The following CLTCL1 variants were observed in gnomAD, a reference collection of about 807,000 sequenced individuals.
The protein encoded by CLTCL1 is clathrin heavy chain 2.
In CLTCL1, 159 loss-of-function variants were observed where a neutral mutation model predicts 190.0. The observed-to-expected ratio is 0.84, with a 90% confidence interval of 0.74 to 0.95. CLTCL1 has a LOEUF of 0.95. Ranked by LOEUF, CLTCL1 falls within the 40% of genes least tolerant of loss-of-function variation. The pLI, the probability that CLTCL1 is intolerant of heterozygous loss-of-function variation, is 0.00. For synonymous variants in CLTCL1, 752 were observed against 769.6 expected (o/e 0.98, Z 0.38); for missense variants, 1,878 against 2,033.4 (o/e 0.92, Z 1.47).
chr22:19,282,260 C>G (rs898500916), intron 1 of CLTCL1, among the ~76,000 whole-genome samples: 1 of 150,898 alleles, frequency 6.6e-6, no homozygotes. Context: ...ACCCAGGAGG[C>G]GGAGGCTGCA....
intron 1 of CLTCL1, among the ~76,000 whole-genome samples, chr22:19,280,125 T>C (rs782406934): frequency 2.6e-5 from 4 of 152,198 alleles, no homozygotes; most frequent in Non-Finnish European, 4.4e-5. Context: ...GAAAGGACTA[T>C]GAAATTAAAA....
chr22:19,242,682 C>T, intron 4 of CLTCL1, 93 bp downstream of exon 4: 2 of 1,344,464 alleles, frequency 1.5e-6, no homozygotes, highest in South Asian at 2.5e-5. Flanking sequence ...CTCACACAGA[C>T]ATCTGCAGGC....
At position 19,179,951 on chromosome 22, in the gene CLTCL1, G is replaced by GCTGGGCCCACGGCAGGGC; in HGVS notation, c.*21_*38dup. 2 of 551,008 alleles carry GCTGGGCCCACGGCAGGGC rather than the reference G, an allele frequency of 3.6e-6. No homozygotes were observed. Among genetic ancestry groups the GCTGGGCCCACGGCAGGGC allele is most frequent in the Non-Finnish European group, 3.2e-6 (1 of 308,126 alleles). The allele number at this position is 551,008 out of a possible 1,614,324, so 34.1% of individuals were successfully genotyped here. On this transcript the variant is annotated 3_prime_UTR_variant, in exon 33 of 33. Coordinates refer to ENST00000427926, the MANE Select transcript of CLTCL1 (RefSeq NM_007098.4). ...ATATCCATAGGGGAAGCTGGCAGGGGCTGGGCCCACGGCAGGGCCTGCAGA... is the reference window on the plus strand; with the variant it reads ...ATATCCATAGGGGAAGCTGGCAGGGGCTGGGCCCACGGCAGGGCCTGGGCCCACGGCAGGGCCTGCAGA...
intron 2 of CLTCL1, among the ~76,000 whole-genome samples, chr22:19,259,853 A>T (rs1277612789): frequency 6.6e-6 from 1 of 152,240 alleles, no homozygotes; most frequent in Non-Finnish European, 1.5e-5. Context: ...AGGCTTTGTG[A>T]GGAAGGCATG....
chr22:19,286,481 C>T (rs752920277), intron 1 of CLTCL1, among the ~76,000 whole-genome samples: 32 of 152,218 alleles, frequency 2.1e-4, no homozygotes, highest in Non-Finnish European at 7.3e-5. Context: ...GAGCCAACTG[C>T]TGTCTTAGTA....
intron 2 of CLTCL1, among the ~76,000 whole-genome samples, chr22:19,267,313 A>T (rs1435701072): frequency 1.3e-5 from 2 of 152,248 alleles, no homozygotes; most frequent in South Asian, 2.1e-4. Context: ...TCACTGAAAG[A>T]AATTAAAGAT....
intron 28 of CLTCL1, 35 bp from the exon 29 acceptor site, chr22:19,187,763 C>T (rs781811148): frequency 8.7e-6 from 14 of 1,600,896 alleles, no homozygotes; most frequent in Non-Finnish European, 1.2e-5. Context: ...GGATGGGACA[C>T]TGACATGGGC....
chr22:19,248,646 T>C (rs1326071886), intron 3 of CLTCL1, among the ~76,000 whole-genome samples: 1 of 152,252 alleles, frequency 6.6e-6, no homozygotes, highest in African/African-American at 2.4e-5. Context: ...TTCAAATAAA[T>C]GGAATCATAT....
In CLTCL1 at chr22:19,234,816, T is replaced by C. The variant is rs539402725; in HGVS notation, c.970-110A>G. On this transcript the variant is annotated intron_variant, in intron 6 of 32. Transcript: ENST00000427926. ...TGGTAGCCACATTCTCAGGCGAGTGTTGAGCACACCTGTGATGGTGGCCCT... is the reference window on the plus strand; with the variant it reads ...TGGTAGCCACATTCTCAGGCGAGTGCTGAGCACACCTGTGATGGTGGCCCT... The C allele has an allele frequency of 1.1e-4, 112 of 986,314 alleles. 1 individual carries two copies. In the African/African-American group the frequency reaches 1.5e-3, roughly 13 times the overall value. 61.1% of individuals were successfully genotyped at this position (986,314 alleles called of 1,614,324 possible). A position where few individuals can be genotyped will look rare whatever the true frequency, so the allele number is the denominator to read the frequency against.
At position 19,221,944 on chromosome 22, in the gene CLTCL1, A is replaced by C. The variant is rs1555952725; in HGVS notation, c.2561+7T>G. The C allele has an allele frequency of 6.2e-7, 1 of 1,613,566 alleles. No homozygotes were observed. The highest frequency in any genetic ancestry group is 2.2e-5 in the East Asian group (1 of 44,860). ...GTAAGAGAAAACACCAAGTAAGGAC[A>C]CCTTACCTATTTCTTTTTTCTACTT... On this transcript the variant is annotated splice_region_variant and intron_variant, in intron 16 of 32. Transcript: ENST00000427926.
chr22:19,201,640 T>G, intron 22 of CLTCL1, 147 bp from the exon 23 acceptor site: 1 of 885,758 alleles, frequency 1.1e-6, no homozygotes, highest in Non-Finnish European at 1.7e-6. Context: ...CCAGATGAAG[T>G]TGGCCTTGGC....
At chr22:19,223,754 T>C in intron 14 of CLTCL1, 137 bp downstream of exon 14, 2 of 912,898 alleles carry the variant, frequency 2.2e-6, no homozygotes, top group Non-Finnish European at 3.3e-6. Flanking sequence ...AGCCATAAAG[T>C]GGAGCTCTGT....
At chr22:19,227,277 CTTTTTT>C (rs11375007) in intron 11 of CLTCL1, among the ~76,000 whole-genome samples, 1 of 121,094 alleles carries the variant, frequency 8.3e-6, no homozygotes, top group Non-Finnish European at 1.7e-5. Flanking sequence ...GGCATAAAAT[CTTTTTT>C]TTTTTTTTTT....
chr22:19,204,272 C>T (rs1212868474), intron 22 of CLTCL1, among the ~76,000 whole-genome samples: 3 of 152,182 alleles, frequency 2.0e-5, no homozygotes, highest in Non-Finnish European at 2.9e-5. Flanking sequence ...CCTACTGCTC[C>T]CCAAGCCTCT....
At chr22:19,243,701 T>TTTC (rs2086328246) in intron 3 of CLTCL1, among the ~76,000 whole-genome samples, 1 of 140,926 alleles carries the variant, frequency 7.1e-6, no homozygotes, top group African/African-American at 2.7e-5. Flanking sequence ...TTCTTTCTTT[T>TTTC]TTTTTTTTTT....
Position 19,235,100 on chromosome 22 carries a change from C to T in CLTCL1, c.970-394G>A, listed in dbSNP as rs551848660. 4.6e-5 allele frequency among the ~76,000 whole-genome samples: 7 copies of T among 152,022 alleles called. No homozygotes were observed. The South Asian group carries it at 1.2e-3, about 27-fold the overall frequency. ...GCTCAGGCTGGATTCAAACTCCTAGCCTCAAGCAATCCTCCTGTCTCAGCC... is the reference window on the plus strand; with the variant it reads ...GCTCAGGCTGGATTCAAACTCCTAGTCTCAAGCAATCCTCCTGTCTCAGCC... On this transcript the variant is annotated intron_variant, in intron 6 of 32. Transcript: ENST00000427926.
intron 1 of CLTCL1, among the ~76,000 whole-genome samples, chr22:19,284,911 T>C (rs968809663): frequency 2.0e-5 from 3 of 152,012 alleles, no homozygotes; most frequent in Non-Finnish European, 2.9e-5. Flanking sequence ...GCTGAGATCA[T>C]GCCACTGCAC....
rs376298514 is a variant in CLTCL1, at chr22:19,275,615, G to C, written c.250+8C>G. ...AAGATTCCTTTCTAACAATCCCATC[G>C]GGTTTACCTTTCAGAGCTATCACCT... On this transcript the variant is annotated splice_region_variant and intron_variant, in intron 2 of 32. Transcript: ENST00000427926. 3 of 1,592,168 alleles carry C rather than the reference G, an allele frequency of 1.9e-6. No homozygotes were observed. Among genetic ancestry groups the C allele is most frequent in the Admixed American group, 3.5e-5 (2 of 56,632 alleles).
intron 3 of CLTCL1, among the ~76,000 whole-genome samples, chr22:19,249,195 C>T (rs1555969011): frequency 6.6e-6 from 1 of 152,062 alleles, no homozygotes; most frequent in African/African-American, 2.4e-5. Flanking sequence ...CCCATCTCTA[C>T]TAAAAATACA....
Sources: gnomAD v4.1 joint callset for allele counts (sites outside exome capture counted in the v4.1 genomes callset) on GRCh38, gnomAD v4.1.1 for gene constraint, MANE v1.5 for transcripts, NCBI Gene and HGNC (gene_info 2026-07-23, HGNC 2026-07-21) for gene names.